The following ZNF782 variants were observed in gnomAD, a reference collection of about 807,000 sequenced individuals.
ZNF782 encodes zinc finger protein 782.
Under a neutral mutation model 13.0 loss-of-function variants are expected in ZNF782, and 12 were observed. The ratio of observed to expected loss-of-function variants is 0.92; its 90% CI spans 0.59 to 1.50. ZNF782 has a LOEUF of 1.50. ZNF782 is among the 40% of genes most tolerant of loss of function. The probability of loss-of-function intolerance (pLI) is 0.00; values close to 1 mark genes in which losing one functional copy is unlikely to be tolerated. For missense variants in ZNF782, 770 were observed against 822.9 expected, an observed-to-expected ratio of 0.94 and a Z score of 0.79; for synonymous variants, 284 against 283.0, an observed-to-expected ratio of 1.00 and a Z score of -0.04.
At chr9:96,840,789 A>G (rs1233139530) in intron 4 of ZNF782, among the ~76,000 whole-genome samples, 1 of 152,078 alleles carries the variant, frequency 6.6e-6, no homozygotes, top group East Asian at 1.9e-4. Flanking sequence ...TATGGCACTA[A>G]ATGTGTACGT....
In ZNF782 at chr9:96,819,587, G is replaced by A. The variant is rs758912754; in HGVS notation, c.436C>T (p.Gln146Ter). The change falls in exon 6 of 6, where the codon CAG becomes TAG. Residue 146 changes from glutamine (Q) to a stop codon, truncating the protein, a stop_gained. Transcript: ENST00000481138. LOFTEE classifies it low-confidence loss of function (END_TRUNC). Reference sequence around the variant, plus strand: ...TGTGGGGCCATCAGGCTGAGCCCCTGGCAAGCAGACCCCGCAATGTCACAT... The same window carrying A: ...TGTGGGGCCATCAGGCTGAGCCCCTAGCAAGCAGACCCCGCAATGTCACAT... ...CKCDIAGSAC[Q>*]GLSLMAPHCQ... 94 of 1,613,714 alleles carry A rather than the reference G, an allele frequency of 5.8e-5. No homozygotes were observed. The highest frequency in any genetic ancestry group is 7.8e-5 in the Non-Finnish European group (92 of 1,179,952).
intron 5 of ZNF782, among the ~76,000 whole-genome samples, chr9:96,820,076 G>A (rs1173516670): frequency 6.6e-6 from 1 of 152,118 alleles, no homozygotes; most frequent in Non-Finnish European, 1.5e-5. Context: ...TGAGAATGGT[G>A]TATACGTAAG....
At chr9:96,905,062 G>C in the ZNF782 span, among the ~76,000 whole-genome samples, 1 of 149,608 alleles carries the variant, frequency 6.7e-6, no homozygotes, top group African/African-American at 2.6e-5. Context: ...GTTGGTGTCA[G>C]AGGCATTTGA....
the ZNF782 span, among the ~76,000 whole-genome samples, chr9:96,925,798 G>T: frequency 1.3e-5 from 2 of 149,490 alleles, no homozygotes; most frequent in African/African-American, 5.0e-5. Flanking sequence ...ACGGCCTAGG[G>T]CCTCAAGTGC....
At chr9:96,912,472 C>T in the ZNF782 span, among the ~76,000 whole-genome samples, 675 of 149,892 alleles carry the variant, frequency 4.5e-3, 9 homozygotes, top group South Asian at 6.9e-3. Context: ...CCAGCCCGGG[C>T]GACAGAGTGA....
chr9:96,926,000 C>T, the ZNF782 span, among the ~76,000 whole-genome samples: 1 of 130,848 alleles, frequency 7.6e-6, no homozygotes, highest in Admixed American at 7.4e-5. Flanking sequence ...TTAGCCACCA[C>T]CTTCTATGGC....
At chr9:96,871,297 T>TA (rs918921257) in intron 1 of ZNF782, among the ~76,000 whole-genome samples, 1 of 151,878 alleles carries the variant, frequency 6.6e-6, no homozygotes, top group African/African-American at 2.4e-5. Flanking sequence ...TTTTTTTTTT[T>TA]AAATAGATGT....
At chr9:96,898,646 A>C in the ZNF782 span, among the ~76,000 whole-genome samples, 1 of 146,980 alleles carries the variant, frequency 6.8e-6, no homozygotes, top group Non-Finnish European at 1.5e-5. Context: ...TCCCGGGCTC[A>C]AGCGATTCTC....
chr9:96,891,332 G>C, the ZNF782 span: 3 of 152,102 alleles, frequency 2.0e-5, no homozygotes, highest in African/African-American at 7.2e-5. Context: ...GCAGACACCA[G>C]TACTTCCTCT....
intron 2 of ZNF782, 100 bp downstream of exon 2, chr9:96,852,753 A>T (rs1038249630): frequency 6.5e-6 from 1 of 152,672 alleles, no homozygotes; most frequent in Non-Finnish European, 1.5e-5. Context: ...AGAAAGTCTT[A>T]TAAAAGAGAT....
chr9:96,854,921 T>A (rs975395823), upstream of ZNF782, among the ~76,000 whole-genome samples: 8 of 151,888 alleles, frequency 5.3e-5, no homozygotes, highest in South Asian at 8.3e-4. Flanking sequence ...ATTTTTTTTT[T>A]AAAAAAAGGG....
intron 5 of ZNF782, among the ~76,000 whole-genome samples, chr9:96,821,669 CTT>C (rs1232848204): frequency 1.1e-4 from 16 of 141,290 alleles, no homozygotes; most frequent in African/African-American, 3.1e-4. Flanking sequence ...TAATAGTTCA[CTT>C]TTTTTTTTTT....
At chr9:96,879,105 G>C (rs1291645638), upstream of ZNF782, among the ~76,000 whole-genome samples, 1 of 152,220 alleles carries the variant, frequency 6.6e-6, no homozygotes, top group African/African-American at 2.4e-5. Flanking sequence ...AACCTGCTGT[G>C]TGACAGGCAT....
the ZNF782 span, among the ~76,000 whole-genome samples, chr9:96,917,233 C>T: frequency 7.9e-6 from 1 of 126,332 alleles, no homozygotes; most frequent in African/African-American, 3.0e-5. Context: ...CCCGGGCCCA[C>T]CTAAACCTTT....
Position 96,827,108 on chromosome 9 carries a change from C to A in ZNF782, c.216G>T (p.Glu72Asp). 1 of 1,612,098 alleles carries A rather than the reference C, an allele frequency of 6.2e-7. No homozygotes were observed. ...GGGAGTTCCTGCTTAGAAATCCTTTCTCTTTCTCTAATAACCATGGATCTT... is the reference window on the plus strand; with the variant it reads ...GGGAGTTCCTGCTTAGAAATCCTTTATCTTTCTCTAATAACCATGGATCTT... ...QGEDPWLLEK[E>D]KGFLSRNSPE... is the part of the protein sequence containing the mutation. Residue 72 changes from glutamate to aspartate, a missense_variant, in exon 5 of 6, where the codon GAG (glutamate) becomes GAT (aspartate). Glu to Asp is a conservative substitution (Grantham distance 45). Coordinates refer to ENST00000481138, the MANE Select transcript of ZNF782 (RefSeq NM_001001662.3).
At chr9:96,837,469 G>T (rs1477638975) in intron 4 of ZNF782, among the ~76,000 whole-genome samples, 1 of 151,696 alleles carries the variant, frequency 6.6e-6, no homozygotes, top group East Asian at 1.9e-4. Context: ...AATTTTGTTG[G>T]TTTTTTAAAA....
At chr9:96,908,225 A>C in the ZNF782 span, among the ~76,000 whole-genome samples, 1 of 151,602 alleles carries the variant, frequency 6.6e-6, no homozygotes, top group Admixed American at 6.6e-5. Context: ...GCTGGAGTGC[A>C]GTGGTGCAAT....
At chr9:96,920,532 C>T in the ZNF782 span, among the ~76,000 whole-genome samples, 1 of 149,158 alleles carries the variant, frequency 6.7e-6, no homozygotes, top group African/African-American at 2.4e-5. Flanking sequence ...TCCCAAAATG[C>T]TGGGATTACA....
At chr9:96,875,474 T>C (rs749326987) in exon 1 of ZNF782, 2 of 456,586 alleles carry the variant, frequency 4.4e-6, no homozygotes, top group African/African-American at 2.0e-5. Flanking sequence ...TTACAGGTAA[T>C]AAAGCTGGAA....
Sources: allele counts gnomAD v4.1 joint callset (sites outside exome capture counted in the v4.1 genomes callset), GRCh38; gene constraint gnomAD v4.1.1; transcripts MANE v1.5; gene names NCBI Gene and HGNC (gene_info 2026-07-23, HGNC 2026-07-21).